Variants in AGMO observed in about 807,000 individuals in gnomAD.
AGMO encodes the protein glyceryl-ether monooxygenase.
Under a neutral mutation model 60.2 loss-of-function variants are expected in AGMO, and 75 were observed. That is an observed-to-expected ratio of 1.25 (90% CI 1.03 to 1.51). The LOEUF (loss-of-function observed/expected upper bound fraction) is 1.51. AGMO is among the 40% of genes most tolerant of loss of function. AGMO has a pLI of 0.00. For missense variants in AGMO, 763 were observed against 525.5 expected (o/e 1.45, Z -4.42); for synonymous variants, 261 against 177.1 (o/e 1.47, Z -3.76).
the AGMO span, among the ~76,000 whole-genome samples, chr7:15,168,828 A>C: frequency 6.6e-6 from 1 of 152,252 alleles, no homozygotes; most frequent in African/African-American, 2.4e-5. Context: ...AAAGGCACTT[A>C]GAATAAAGCT....
chr7:15,257,857 C>T (rs1783142622), intron 12 of AGMO, among the ~76,000 whole-genome samples: 1 of 152,124 alleles, frequency 6.6e-6, no homozygotes, highest in Admixed American at 6.6e-5. Context: ...GGAGATTACC[C>T]ACCCGTTTAA....
At chr7:15,470,159 G>C (rs1438313521) in intron 3 of AGMO, among the ~76,000 whole-genome samples, 2 of 151,978 alleles carry the variant, frequency 1.3e-5, no homozygotes, top group African/African-American at 4.8e-5. Context: ...AAGAAAGATA[G>C]CATAGCATGT....
chr7:15,232,438 C>T (rs769225583), intron 12 of AGMO, among the ~76,000 whole-genome samples: 5 of 152,142 alleles, frequency 3.3e-5, no homozygotes, highest in African/African-American at 4.8e-5. Context: ...CTTAGTAAAC[C>T]AAACTGCCTT....
intron 3 of AGMO, among the ~76,000 whole-genome samples, chr7:15,449,983 A>G (rs1471658979): frequency 6.6e-6 from 1 of 152,226 alleles, no homozygotes; most frequent in Non-Finnish European, 1.5e-5. Context: ...GTGGTAATAC[A>G]CAGTCACTTA....
chr7:15,463,664 G>C (rs1251007538), intron 3 of AGMO, among the ~76,000 whole-genome samples: 1 of 152,066 alleles, frequency 6.6e-6, no homozygotes, highest in Non-Finnish European at 1.5e-5. Context: ...TGTACTGCTT[G>C]AGCCAGTGCA....
intron 5 of AGMO, among the ~76,000 whole-genome samples, chr7:15,405,761 G>A (rs1013248744): frequency 1.3e-5 from 2 of 151,824 alleles, no homozygotes; most frequent in African/African-American, 4.8e-5. Context: ...GTCTAAGTAA[G>A]TTTAGCAAAT....
At chr7:15,134,928 C>T in the AGMO span, among the ~76,000 whole-genome samples, 2 of 151,958 alleles carry the variant, frequency 1.3e-5, no homozygotes, top group East Asian at 1.9e-4. Context: ...ACACGAATGA[C>T]GTTCACATAT....
Position 15,281,161 on chromosome 7 carries a change from GA to G in AGMO, c.1264-79803del, listed in dbSNP as rs542402992. Among the ~76,000 whole-genome samples the G allele has an allele frequency of 1.3e-4, 20 of 152,176 alleles. No homozygotes were observed. In the East Asian group the frequency reaches 1.8e-3, roughly 13 times the overall value. ...TGAGTCCCAGAACTTTCCACAGGTG[GA>G]AAGTTTCATTCAGCAGAGACACAGG... On this transcript the variant is annotated intron_variant, in intron 12 of 12. Coordinates refer to ENST00000342526, the MANE Select transcript of AGMO (RefSeq NM_001004320.2).
rs1783354411 is a variant in AGMO at position 15,263,863 on chromosome 7, T to C, written c.1264-62504A>G. ...TCACTTACGTGTGGGAGCTAATCTA[T>C]GAGGATGCAAAGGCATAAAAATGAT... On this transcript the variant is annotated intron_variant, in intron 12 of 12. Transcript: ENST00000342526. 1.3e-5 allele frequency among the ~76,000 whole-genome samples: 2 copies of C among 152,086 alleles called. 1 individual carries two copies. The highest frequency in any genetic ancestry group is 4.1e-4 in the South Asian group (2 of 4,830).
intron 3 of AGMO, among the ~76,000 whole-genome samples, chr7:15,485,227 G>A (rs1207587210): frequency 1.3e-5 from 2 of 151,262 alleles, no homozygotes; most frequent in African/African-American, 4.9e-5. Flanking sequence ...TGAGGCAGGA[G>A]AATCCCTTGA....
intron 12 of AGMO, among the ~76,000 whole-genome samples, chr7:15,355,095 T>C (rs983939102): frequency 6.6e-6 from 1 of 152,086 alleles, no homozygotes; most frequent in Admixed American, 6.6e-5. Context: ...GAAATTTTGA[T>C]ATGATGTAGG....
chr7:15,337,576 A>AAC (rs1208497287), intron 12 of AGMO, among the ~76,000 whole-genome samples: 2 of 152,130 alleles, frequency 1.3e-5, no homozygotes, highest in Non-Finnish European at 2.9e-5. Context: ...CTACCACTAC[A>AAC]ACACATATGT....
rs1459091028 is a variant in AGMO, at chr7:15,474,287, CTG to C, written c.410-43181_410-43180del. Among the ~76,000 whole-genome samples the C allele has an allele frequency of 3.1e-3, 466 of 152,184 alleles. 3 individuals are homozygous for C. The highest frequency in any genetic ancestry group is 5.5e-3 in the Non-Finnish European group (377 of 68,006). On this transcript the variant is annotated intron_variant, in intron 3 of 12. Coordinates refer to ENST00000342526, the MANE Select transcript of AGMO (RefSeq NM_001004320.2). ...AACAAAGCTGGAGGAATAATGTTAC[CTG>C]ACTTCAAACTATACTACAAGCCTAC...
At chr7:15,312,320 ATAATAT>A (rs1307566232) in intron 12 of AGMO, among the ~76,000 whole-genome samples, 6 of 152,150 alleles carry the variant, frequency 3.9e-5, no homozygotes, top group African/African-American at 1.4e-4. Context: ...GCCTAAGTAC[ATAATAT>A]TAAAACAACA....
chr7:15,432,538 A>C (rs1781285189), intron 3 of AGMO, among the ~76,000 whole-genome samples: 1 of 151,562 alleles, frequency 6.6e-6, no homozygotes, highest in Non-Finnish European at 1.5e-5. Flanking sequence ...ATAATAAGGA[A>C]TATTATAAAC....
intron 12 of AGMO, among the ~76,000 whole-genome samples, chr7:15,276,671 T>C (rs1424876956): frequency 2.0e-5 from 3 of 152,178 alleles, no homozygotes; most frequent in Non-Finnish European, 4.4e-5. Context: ...CAGAAATGCT[T>C]ATAAGACATA....
At chr7:15,238,729 T>C (rs1321194322) in intron 12 of AGMO, among the ~76,000 whole-genome samples, 1 of 151,854 alleles carries the variant, frequency 6.6e-6, no homozygotes, top group Admixed American at 6.6e-5. Flanking sequence ...AAAGTACAAA[T>C]TGCACCAATT....
chr7:15,144,549 T>C, the AGMO span, among the ~76,000 whole-genome samples: 1 of 152,184 alleles, frequency 6.6e-6, no homozygotes, highest in Non-Finnish European at 1.5e-5. Flanking sequence ...CGTGTACGTG[T>C]ATAGAGAATG....
intron 12 of AGMO, among the ~76,000 whole-genome samples, chr7:15,270,276 G>T: frequency 6.6e-6 from 1 of 151,972 alleles, no homozygotes; most frequent in South Asian, 2.1e-4. Flanking sequence ...AACATCTGTT[G>T]TTTTTTGACT....
Sources: gnomAD v4.1 joint callset for allele counts (sites outside exome capture counted in the v4.1 genomes callset) on GRCh38, gnomAD v4.1.1 for gene constraint, MANE v1.5 for transcripts, NCBI Gene and HGNC (gene_info 2026-07-23, HGNC 2026-07-21) for gene names.